The following TRPM7 variants were observed in gnomAD, a reference collection of about 807,000 sequenced individuals.
TRPM7 encodes transient receptor potential cation channel subfamily M member 7.
In TRPM7, 134 loss-of-function variants were observed where a neutral mutation model predicts 229.7. That is an observed-to-expected ratio of 0.58 (90% confidence interval 0.51 to 0.67). The LOEUF is 0.67. Among genes scored for constraint, TRPM7 ranks in the 30% least tolerant of loss-of-function variants. The pLI is 0.00. For missense variants in TRPM7, 1,901 were observed against 2,210.0 expected (o/e 0.86, Z 2.80); for synonymous variants, 699 against 715.2 (o/e 0.98, Z 0.36).
intron 2 of TRPM7, among the ~76,000 whole-genome samples, chr15:50,658,376 C>T (rs1288706418): frequency 6.6e-6 from 1 of 151,558 alleles, no homozygotes; most frequent in Non-Finnish European, 1.5e-5. Context: ...AGTTTAAGAT[C>T]AGCCTGGGCA....
Position 50,648,827 on chromosome 15 carries a change from T to C in TRPM7, c.181A>G (p.Lys61Glu). The C allele has an allele frequency of 1.2e-6, 2 of 1,613,102 alleles. No individual in the cohort carries two copies. Among genetic ancestry groups the C allele is most frequent in the Non-Finnish European group, 1.7e-6 (2 of 1,179,426 alleles). ...HACFTASLAM[K>E]YSDVKLGDHF... ...TCACCCAATTTCACATCTGAGTATT[T>C]CATGGCAAGACTTGCAGTAAAACAA... Residue 61 changes from lysine to glutamate, a missense_variant, in exon 4 of 39, where the codon AAA becomes GAA. Transcript: ENST00000646667.
In TRPM7 at chr15:50,634,744, TAAGTA is replaced by T. The variant is rs1449718549; in HGVS notation, c.833-193_833-189del. 2.6e-5 allele frequency among the ~76,000 whole-genome samples: 4 copies of T among 152,090 alleles called. No individual in the cohort carries two copies. In the East Asian group the frequency reaches 7.7e-4, roughly 29 times the overall value. ...GCACTCCACCTGATACCAGTTCACG[TAAGTA>T]AATTAAATAATGAATACTTTGTCAC... On this transcript the variant is annotated intron_variant, in intron 7 of 38. Transcript: ENST00000646667.
intron 13 of TRPM7, among the ~76,000 whole-genome samples, chr15:50,617,586 G>A (rs1255459888): frequency 6.6e-6 from 1 of 150,782 alleles, no homozygotes; most frequent in African/African-American, 2.4e-5. Flanking sequence ...ACAAAATAAA[G>A]AAAATGAAAA....
intron 20 of TRPM7, among the ~76,000 whole-genome samples, chr15:50,606,569 G>A (rs979182051): frequency 1.3e-5 from 2 of 152,050 alleles, no homozygotes; most frequent in Non-Finnish European, 2.9e-5. Context: ...TGCAATCTCA[G>A]TTCACTGCAA....
intron 6 of TRPM7, among the ~76,000 whole-genome samples, chr15:50,638,328 C>T (rs2140729559): frequency 7.6e-6 from 1 of 131,400 alleles, no homozygotes; most frequent in African/African-American, 2.9e-5. Context: ...CACTGCACTC[C>T]AGCCTGGGCG....
rs1330330514 is a variant in TRPM7 at position 50,639,562 on chromosome 15, A to G, written c.536-14T>C. ...GTTTTGCCACACCTGTTCATAAAAAAAGTTTATTCATTTTGTTTTTTTTAT... is the reference window on the plus strand; with the variant it reads ...GTTTTGCCACACCTGTTCATAAAAAGAGTTTATTCATTTTGTTTTTTTTAT... On this transcript the variant is annotated splice_polypyrimidine_tract_variant and intron_variant, in intron 5 of 38. Coordinates refer to ENST00000646667, the MANE Select transcript of TRPM7 (RefSeq NM_017672.6). The G allele has an allele frequency of 6.3e-7, 1 of 1,598,828 alleles. No homozygotes were observed. Among genetic ancestry groups the G allele is most frequent in the South Asian group, 1.1e-5 (1 of 88,218 alleles).
chr15:50,653,549 T>C (rs2061479575), intron 3 of TRPM7, among the ~76,000 whole-genome samples: 1 of 152,184 alleles, frequency 6.6e-6, no homozygotes, highest in African/African-American at 2.4e-5. Context: ...AACACGAAGC[T>C]GTGATCCTTG....
intron 26 of TRPM7, among the ~76,000 whole-genome samples, chr15:50,590,652 C>T (rs1049020361): frequency 7.2e-5 from 11 of 152,032 alleles, no homozygotes; most frequent in African/African-American, 2.4e-4. Context: ...GGCTAAAATG[C>T]ATTTTTAAAA....
chr15:50,637,566 T>C lies in TRPM7; in HGVS notation c.688A>G (p.Asn230Asp), dbSNP rs1266720107. 1.2e-6 allele frequency: 2 copies of C among 1,613,754 alleles called. No homozygotes were observed. The highest frequency in any genetic ancestry group is 1.7e-6 in the Non-Finnish European group (2 of 1,179,956). ...DVVAPYQTLL[N>D]PLSKLNVLNN... ...AAAACATTCAATTTGCTCAGGGGGTTCAATAAGGTTTGATAAGGAGCAACC... is the reference window on the plus strand; with the variant it reads ...AAAACATTCAATTTGCTCAGGGGGTCCAATAAGGTTTGATAAGGAGCAACC... Residue 230 changes from asparagine (N) to aspartate (D), a missense_variant, in exon 7 of 39, where the codon AAC becomes GAC. Asn to Asp is a conservative substitution (Grantham distance 23). Coordinates refer to ENST00000646667, the MANE Select transcript of TRPM7 (RefSeq NM_017672.6).
chr15:50,677,748 A>C (rs933338506), intron 1 of TRPM7, among the ~76,000 whole-genome samples: 18 of 148,140 alleles, frequency 1.2e-4, no homozygotes, highest in Non-Finnish European at 7.5e-5. Context: ...CAAAAAAAAA[A>C]AAAAAAAAAA....
intron 27 of TRPM7, among the ~76,000 whole-genome samples, chr15:50,589,319 C>CAAAAA (rs34653276): frequency 1.8e-4 from 15 of 81,518 alleles, no homozygotes; most frequent in South Asian, 4.9e-4. Flanking sequence ...GACTCCGTCT[C>CAAAAA]AAAAAAAAAA....
intron 10 of TRPM7, among the ~76,000 whole-genome samples, chr15:50,629,769 G>A: frequency 6.7e-6 from 1 of 149,386 alleles, no homozygotes; most frequent in African/African-American, 2.5e-5. Flanking sequence ...AATAAAATGA[G>A]ATAAATAATG....
At chr15:50,612,466 A>T in intron 16 of TRPM7, 83 bp downstream of exon 16, 1 of 1,161,502 alleles carries the variant, frequency 8.6e-7, no homozygotes, top group Non-Finnish European at 1.2e-6. Flanking sequence ...CATCACCATT[A>T]AGTACGTGGC....
chr15:50,625,939 T>C (rs1246476199), intron 11 of TRPM7, among the ~76,000 whole-genome samples: 1 of 152,228 alleles, frequency 6.6e-6, no homozygotes, highest in Admixed American at 6.5e-5. Context: ...TATTTCCTTC[T>C]TTCTCTTATC....
intron 31 of TRPM7, among the ~76,000 whole-genome samples, chr15:50,576,456 G>T (rs2141517741): frequency 6.6e-6 from 1 of 152,220 alleles, no homozygotes; most frequent in Admixed American, 6.5e-5. Flanking sequence ...TGTCTTGCAG[G>T]AAAAGGAAGT....
chr15:50,685,065 AT>A (rs1265668369), intron 1 of TRPM7, among the ~76,000 whole-genome samples: 1 of 152,376 alleles, frequency 6.6e-6, no homozygotes, highest in East Asian at 1.9e-4. Context: ...AAATTATCCC[AT>A]TGAGGAATGA....
In TRPM7 at chr15:50,612,109, G is replaced by A. The variant is rs562821706; in HGVS notation, c.2051+440C>T. 6.6e-5 allele frequency among the ~76,000 whole-genome samples: 10 copies of A among 152,008 alleles called. No homozygotes were observed. In the South Asian group the frequency reaches 1.7e-3, roughly 25 times the overall value. On this transcript the variant is annotated intron_variant, in intron 16 of 38. Coordinates refer to ENST00000646667, the MANE Select transcript of TRPM7 (RefSeq NM_017672.6). Reference sequence around the variant, plus strand: ...AATTCTGGCATTTCTTCTTTGTTTCGAGACAGGGTCTATTGCTGTCACCTA... The same window carrying A: ...AATTCTGGCATTTCTTCTTTGTTTCAAGACAGGGTCTATTGCTGTCACCTA...
intron 13 of TRPM7, 131 bp downstream of exon 13, chr15:50,619,614 T>C (rs777410578): frequency 1.8e-4 from 138 of 748,920 alleles, no homozygotes; most frequent in African/African-American, 5.5e-5. Context: ...GCCCATATTT[T>C]ATCTTGTTCT....
chr15:50,667,052 T>C (rs1261002089), intron 1 of TRPM7, among the ~76,000 whole-genome samples: 1 of 152,112 alleles, frequency 6.6e-6, no homozygotes, highest in Non-Finnish European at 1.5e-5. Flanking sequence ...TGGTAACATC[T>C]TTCTGGCAAA....
Sources: allele counts gnomAD v4.1 joint callset (sites outside exome capture counted in the v4.1 genomes callset), GRCh38; gene constraint gnomAD v4.1.1; transcripts MANE v1.5; gene names NCBI Gene and HGNC (gene_info 2026-07-23, HGNC 2026-07-21).